The following FARS2 variants were observed in gnomAD, a reference collection of about 807,000 sequenced individuals.
The protein encoded by FARS2 is phenylalanine--tRNA ligase, mitochondrial.
In FARS2, 40 loss-of-function variants were observed where a neutral mutation model predicts 46.4. The ratio of observed to expected loss-of-function variants is 0.86; its 90% CI spans 0.67 to 1.12. FARS2 has a LOEUF of 1.12. FARS2 is among the 50% of genes most tolerant of loss of function. The pLI is 0.00. For missense variants in FARS2, 513 were observed against 567.9 expected (o/e 0.90, Z 0.98); for synonymous variants, 234 against 214.9 (o/e 1.09, Z -0.78).
At chr6:5,539,188 T>C (rs980794564) in intron 4 of FARS2, among the ~76,000 whole-genome samples, 17 of 149,722 alleles carry the variant, frequency 1.1e-4, no homozygotes, top group Admixed American at 1.1e-3. Flanking sequence ...CTGCCAATCA[T>C]CCACTTAGGC....
intron 3 of FARS2, among the ~76,000 whole-genome samples, chr6:5,422,083 A>C (rs538323488): frequency 6.6e-6 from 1 of 152,180 alleles, no homozygotes; most frequent in African/African-American, 2.4e-5. Flanking sequence ...ATGGCTGGGG[A>C]GGCCTCACAA....
At chr6:5,292,360 T>C (rs943388145) in intron 1 of FARS2, among the ~76,000 whole-genome samples, 1 of 152,222 alleles carries the variant, frequency 6.6e-6, no homozygotes, top group African/African-American at 2.4e-5. Flanking sequence ...TGTGAATTGG[T>C]GGCAGAGAAC....
chr6:5,753,491 T>C (rs1034211723), intron 6 of FARS2, among the ~76,000 whole-genome samples: 1 of 152,176 alleles, frequency 6.6e-6, no homozygotes, highest in African/African-American at 2.4e-5. Context: ...ACCTGGAGGC[T>C]AAAGTGAATG....
intron 1 of FARS2, among the ~76,000 whole-genome samples, chr6:5,280,856 AG>A: frequency 6.6e-6 from 1 of 152,262 alleles, no homozygotes; most frequent in Non-Finnish European, 1.5e-5. Flanking sequence ...GTATATTTTA[AG>A]GTTTAGTTAA....
chr6:5,511,345 GC>G (rs1254847580), intron 4 of FARS2, among the ~76,000 whole-genome samples: 1 of 152,202 alleles, frequency 6.6e-6, no homozygotes, highest in South Asian at 2.1e-4. Context: ...CATAAATCAT[GC>G]AGTTACATAA....
intron 2 of FARS2, among the ~76,000 whole-genome samples, chr6:5,370,655 A>G (rs758114902): frequency 1.3e-5 from 2 of 152,210 alleles, no homozygotes; most frequent in Admixed American, 6.5e-5. Flanking sequence ...CCTGCATGCC[A>G]TGAAAGAGGC....
chr6:5,628,623 G>A (rs754772058), intron 6 of FARS2, among the ~76,000 whole-genome samples: 3 of 152,226 alleles, frequency 2.0e-5, no homozygotes, highest in South Asian at 2.1e-4. Flanking sequence ...CTCCTCCAGC[G>A]GCTGAAGCTG....
intron 6 of FARS2, among the ~76,000 whole-genome samples, chr6:5,734,683 G>C (rs1760842810): frequency 1.3e-5 from 2 of 152,086 alleles, no homozygotes. Flanking sequence ...TTTGATATAG[G>C]CATTATATTA....
intron 4 of FARS2, among the ~76,000 whole-genome samples, chr6:5,536,114 C>T (rs1384650790): frequency 2.7e-5 from 4 of 149,114 alleles, no homozygotes; most frequent in Non-Finnish European, 4.4e-5. Flanking sequence ...CACAGTGGCG[C>T]GATCTTGGCT....
At chr6:5,453,238 G>A (rs1449420468) in intron 4 of FARS2, among the ~76,000 whole-genome samples, 1 of 152,078 alleles carries the variant, frequency 6.6e-6, no homozygotes, top group Non-Finnish European at 1.5e-5. Flanking sequence ...AAAACCAAGG[G>A]GCAAAAGGTA....
chr6:5,423,470 A>T (rs73718102), intron 3 of FARS2, among the ~76,000 whole-genome samples: 3,787 of 152,156 alleles, frequency 0.025, 187 homozygotes, highest in African/African-American at 0.087. Context: ...GTGAAACTGC[A>T]CTTGCACACA....
At chr6:5,550,447 G>A (rs1045006055) in intron 5 of FARS2, among the ~76,000 whole-genome samples, 2 of 152,096 alleles carry the variant, frequency 1.3e-5, no homozygotes, top group African/African-American at 2.4e-5. Context: ...TGTGTTTTTA[G>A]TAGAGAAGGT....
At chr6:5,625,642 G>T (rs1223096871) in intron 6 of FARS2, among the ~76,000 whole-genome samples, 1 of 152,232 alleles carries the variant, frequency 6.6e-6, no homozygotes, top group African/African-American at 2.4e-5. Context: ...GTGTGGTGGG[G>T]CAGATGAGTG....
intron 6 of FARS2, among the ~76,000 whole-genome samples, chr6:5,644,910 G>GCACACT (rs1313694579): frequency 1.3e-5 from 2 of 152,164 alleles, no homozygotes; most frequent in African/African-American, 2.4e-5. Context: ...GGGAATAGCT[G>GCACACT]CACACTCAGG....
intron 6 of FARS2, among the ~76,000 whole-genome samples, chr6:5,646,327 T>C (rs1456089581): frequency 2.0e-5 from 3 of 152,218 alleles, no homozygotes; most frequent in Non-Finnish European, 4.4e-5. Context: ...ATATGCAGGC[T>C]GTAGTGGTTC....
chr6:5,351,336 AG>A (rs1286726652), intron 1 of FARS2, among the ~76,000 whole-genome samples: 10 of 152,364 alleles, frequency 6.6e-5, no homozygotes, highest in Admixed American at 2.0e-4. Flanking sequence ...GACCAAACAA[AG>A]GGACTGGACA....
chr6:5,448,832 AG>A (rs766243829), intron 4 of FARS2, among the ~76,000 whole-genome samples: 3 of 152,250 alleles, frequency 2.0e-5, no homozygotes, highest in Non-Finnish European at 4.4e-5. Context: ...GAGGGTAAGC[AG>A]TGAGCAAAAT....
chr6:5,485,895 G>T (rs144971856), intron 4 of FARS2, among the ~76,000 whole-genome samples: 1 of 152,188 alleles, frequency 6.6e-6, no homozygotes, highest in African/African-American at 2.4e-5. Flanking sequence ...CATGTGGCTG[G>T]TGCCTACTGA....
At position 5,396,905 on chromosome 6, in the gene FARS2, T is replaced by G. The variant is rs1249939191; in HGVS notation, c.613-7637T>G. On this transcript the variant is annotated intron_variant, in intron 2 of 6. Coordinates refer to ENST00000274680, the MANE Select transcript of FARS2 (RefSeq NM_006567.5). Reference sequence around the variant, plus strand: ...TCTTTGAAGGCAAGTGTCCCCTACCTAGGCCCTCACGTTTCCCCCTGATTT... The same window carrying G: ...TCTTTGAAGGCAAGTGTCCCCTACCGAGGCCCTCACGTTTCCCCCTGATTT... Among the ~76,000 whole-genome samples, 3 of 152,132 alleles carry G rather than the reference T, an allele frequency of 2.0e-5. No homozygotes were observed. In the East Asian group the frequency reaches 5.8e-4, roughly 29 times the overall value.
Sources: gnomAD v4.1 joint callset for allele counts (sites outside exome capture counted in the v4.1 genomes callset) on GRCh38, gnomAD v4.1.1 for gene constraint, MANE v1.5 for transcripts, NCBI Gene and HGNC (gene_info 2026-07-23, HGNC 2026-07-21) for gene names.